Variants in VPS13B observed in about 807,000 individuals in gnomAD.
VPS13B encodes vacuolar protein sorting 13 homolog B, also known as intermembrane lipid transfer protein VPS13B.
In VPS13B, 285 loss-of-function variants were observed where a neutral mutation model predicts 426.4. The observed-to-expected ratio is 0.67, with a 90% CI of 0.61 to 0.74. The LOEUF (loss-of-function observed/expected upper bound fraction) is 0.74, where lower values mean the gene tolerates loss of function less well. VPS13B is among the 30% of genes least tolerant of loss of function. VPS13B has a pLI of 0.00. For synonymous variants in VPS13B, 1,676 were observed against 1,676.4 expected (o/e 1.00, Z 0.01); for missense variants, 4,537 against 4,782.6 (o/e 0.95, Z 1.51).
chr8:99,047,869 G>T (rs1487216626), intron 3 of VPS13B, among the ~76,000 whole-genome samples: 1 of 151,966 alleles, frequency 6.6e-6, no homozygotes, highest in Non-Finnish European at 1.5e-5. Context: ...TGTATTTTTA[G>T]TAGAGACGTG....
intron 40 of VPS13B, among the ~76,000 whole-genome samples, chr8:99,773,890 A>C (rs1811626150): frequency 6.6e-6 from 1 of 152,162 alleles, no homozygotes; most frequent in African/African-American, 2.4e-5. Context: ...CTTATTATAC[A>C]TCTGATGTTT....
intron 33 of VPS13B, among the ~76,000 whole-genome samples, chr8:99,631,559 A>C (rs1006098326): frequency 6.6e-6 from 1 of 152,094 alleles, no homozygotes; most frequent in African/African-American, 2.4e-5. Context: ...GGCATAACAC[A>C]TAGACAGGTT....
chr8:99,164,662 C>T (rs141621116), intron 15 of VPS13B, among the ~76,000 whole-genome samples: 2 of 152,284 alleles, frequency 1.3e-5, no homozygotes, highest in East Asian at 3.9e-4. Flanking sequence ...GAATAGGATA[C>T]ACTGTTTTTT....
chr8:99,481,509 G>A, intron 24 of VPS13B, 90 bp from the exon 25 acceptor site: 2 of 1,364,758 alleles, frequency 1.5e-6, no homozygotes, highest in Non-Finnish European at 2.1e-6. Flanking sequence ...TATTTCTCTG[G>A]AATAGTTAAT....
Position 99,642,392 on chromosome 8 carries a change from G to T in VPS13B, c.5802G>T (p.Val1934=). ...LQLEPFLYFI[V]SQPSLLLSCH... is the part of the protein sequence containing the mutation. The stretch of plus-strand genomic sequence containing the variant: ...TAGAGCCTTTTCTGTACTTTATTGT[G>T]TCCCAGCCTTCCTTGCTTCTGAGTT... Residue 1934 remains valine, a synonymous_variant, in exon 34 of 62, where the codon GTG becomes GTT. Coordinates refer to ENST00000357162, the MANE Select transcript of VPS13B (RefSeq NM_152564.5). 1 of 1,614,108 alleles carries T rather than the reference G, an allele frequency of 6.2e-7. No homozygotes were observed. The highest frequency in any genetic ancestry group is 1.1e-5 in the South Asian group (1 of 91,070).
intron 34 of VPS13B, among the ~76,000 whole-genome samples, chr8:99,649,776 C>A (rs1338676588): frequency 6.6e-6 from 1 of 152,132 alleles, no homozygotes; most frequent in Non-Finnish European, 1.5e-5. Context: ...ACTTAATTTC[C>A]AGACAATATT....
chr8:99,618,455 A>AAAATACTGGAATTG (rs1418066921), intron 33 of VPS13B, among the ~76,000 whole-genome samples: 1 of 152,188 alleles, frequency 6.6e-6, no homozygotes, highest in Non-Finnish European at 1.5e-5. Flanking sequence ...AGCACAAGGA[A>AAAATACTGGAATTG]AAATACTGGA....
chr8:99,274,464 A>G (rs970754314), intron 18 of VPS13B, 132 bp downstream of exon 18: 8 of 1,438,838 alleles, frequency 5.6e-6, no homozygotes, highest in African/African-American at 2.8e-5. Context: ...ATTTTTACTT[A>G]GAAATTTTTC....
intron 19 of VPS13B, among the ~76,000 whole-genome samples, chr8:99,349,350 A>AAAAAAAAAAAAAG (rs1184275418): frequency 2.7e-5 from 4 of 147,598 alleles, no homozygotes; most frequent in African/African-American, 1.0e-4. Flanking sequence ...AAAAAAAAAA[A>AAAAAAAAAAAAAG]AAAAAGAAAA....
intron 33 of VPS13B, among the ~76,000 whole-genome samples, chr8:99,639,350 T>TA (rs919070571): frequency 3.3e-5 from 5 of 152,166 alleles, no homozygotes; most frequent in African/African-American, 1.2e-4. Context: ...AAATGTCACT[T>TA]ATCTTGATGG....
At chr8:99,149,201 T>C (rs1588088934) in intron 14 of VPS13B, among the ~76,000 whole-genome samples, 1 of 152,264 alleles carries the variant, frequency 6.6e-6, no homozygotes, top group Non-Finnish European at 1.5e-5. Context: ...CTATTTTGCA[T>C]GTATTAGGAA....
chr8:99,868,985 G>A (rs969235093), intron 59 of VPS13B, among the ~76,000 whole-genome samples: 7 of 152,226 alleles, frequency 4.6e-5, no homozygotes, highest in Admixed American at 2.0e-4. Context: ...GCAGACAGCT[G>A]GGAAGTGCGT....
intron 21 of VPS13B, among the ~76,000 whole-genome samples, chr8:99,426,062 C>T (rs1056292327): frequency 1.6e-5 from 2 of 126,738 alleles, no homozygotes; most frequent in Non-Finnish European, 3.3e-5. Context: ...CCCTCCCCCC[C>T]TCCCCCCACC....
intron 19 of VPS13B, among the ~76,000 whole-genome samples, chr8:99,379,737 C>T (rs947408335): frequency 2.6e-5 from 4 of 152,034 alleles, no homozygotes; most frequent in African/African-American, 4.8e-5. Flanking sequence ...CTTCTTTCTT[C>T]GTGTAATTCA....
chr8:99,399,916 T>A (rs1814944990), intron 21 of VPS13B, among the ~76,000 whole-genome samples: 1 of 152,180 alleles, frequency 6.6e-6, no homozygotes, highest in Admixed American at 6.5e-5. Flanking sequence ...TCCTATCTTG[T>A]TGGATCGTTT....
At chr8:99,065,979 C>A (rs966522374) in intron 3 of VPS13B, among the ~76,000 whole-genome samples, 1 of 152,192 alleles carries the variant, frequency 6.6e-6, no homozygotes, top group African/African-American at 2.4e-5. Context: ...GAACTACAAA[C>A]CACTGCTCAA....
chr8:99,068,728 A>G (rs1445912976), intron 3 of VPS13B, among the ~76,000 whole-genome samples: 1 of 152,166 alleles, frequency 6.6e-6, no homozygotes, highest in Non-Finnish European at 1.5e-5. Flanking sequence ...GGGGAATGCC[A>G]CACTTTAAAG....
At chr8:99,400,165 T>C (rs954309597) in intron 21 of VPS13B, among the ~76,000 whole-genome samples, 10 of 152,308 alleles carry the variant, frequency 6.6e-5, no homozygotes, top group Middle Eastern at 3.4e-3. Context: ...TGCTTCTACT[T>C]CTGTACCCTA....
chr8:99,086,307 C>T (rs187292466), intron 3 of VPS13B, among the ~76,000 whole-genome samples: 6 of 152,290 alleles, frequency 3.9e-5, no homozygotes, highest in Non-Finnish European at 7.3e-5. Flanking sequence ...TTTTCAGCTC[C>T]ATCAGATCCT....
Sources: gnomAD v4.1 joint callset for allele counts (sites outside exome capture counted in the v4.1 genomes callset) on GRCh38, gnomAD v4.1.1 for gene constraint, MANE v1.5 for transcripts, NCBI Gene and HGNC (gene_info 2026-07-23, HGNC 2026-07-21) for gene names.